Variants in GPR157 observed in about 807,000 individuals in gnomAD.
The protein encoded by GPR157 is G protein-coupled receptor 157.
Under a neutral mutation model 23.5 loss-of-function variants are expected in GPR157, and 16 were observed. That is an observed-to-expected ratio of 0.68 (90% CI 0.46 to 1.04). The LOEUF (loss-of-function observed/expected upper bound fraction) is 1.04, where lower values mean the gene tolerates loss of function less well. Ranked by LOEUF, GPR157 falls within the 50% of genes least tolerant of loss-of-function variation. The pLI is 0.00. For missense variants in GPR157, 440 were observed against 460.7 expected, an observed-to-expected ratio of 0.96 and a Z score of 0.41; for synonymous variants, 200 against 221.5, an observed-to-expected ratio of 0.90 and a Z score of 0.86.
chr1:9,111,595 C>A, intron 1 of GPR157, 106 bp from the exon 2 acceptor site: 1 of 848,394 alleles, frequency 1.2e-6, no homozygotes, highest in Non-Finnish European at 1.9e-6. Flanking sequence ...GGGATGCTCT[C>A]CAGAGCCTGG....
chr1:9,123,232 AAATATATATTAATTTAAATATAT>A (rs1638844220), intron 1 of GPR157, among the ~76,000 whole-genome samples: 1 of 96,828 alleles, frequency 1.0e-5, no homozygotes, highest in African/African-American at 4.7e-5. Flanking sequence ...ATATATATTT[AAATATATATTAATTTAAATATAT>A]ATTTAAATAT....
intron 2 of GPR157, among the ~76,000 whole-genome samples, chr1:9,110,041 C>T (rs189583874): frequency 1.9e-4 from 29 of 152,182 alleles, no homozygotes; most frequent in East Asian, 1.4e-3. Flanking sequence ...AGGATGAGCC[C>T]GGAAGTCTAA....
At chr1:9,123,241 T>G (rs1441603308) in intron 1 of GPR157, among the ~76,000 whole-genome samples, 2 of 48,368 alleles carry the variant, frequency 4.1e-5, no homozygotes, top group African/African-American at 1.4e-4. Flanking sequence ...TAAATATATA[T>G]TAATTTAAAT....
Position 9,129,016 on chromosome 1 carries a change from G to A in GPR157, c.12C>T (p.Ser4=). The change falls in exon 1 of 4, where the codon TCC becomes TCT. Residue 4 remains serine, a synonymous_variant. Coordinates refer to ENST00000377411, the MANE Select transcript of GPR157 (RefSeq NM_024980.5). MQP[S]PPPTELVPSE... Reference sequence around the variant, plus strand: ...ACGGCACCAGCTCGGTGGGCGGCGGGGACGGCTGCATGGCGTGGGGGGCCA... The same window carrying A: ...ACGGCACCAGCTCGGTGGGCGGCGGAGACGGCTGCATGGCGTGGGGGGCCA... 2 of 1,304,412 alleles carry A rather than the reference G, an allele frequency of 1.5e-6. No individual in the cohort carries two copies. The highest frequency in any genetic ancestry group is 1.5e-5 in the African/African-American group (1 of 64,690). 80.8% of individuals were successfully genotyped at this position (1,304,412 alleles called of 1,614,324 possible).
At chr1:9,109,363 A>T (rs944734768) in intron 2 of GPR157, among the ~76,000 whole-genome samples, 2 of 151,836 alleles carry the variant, frequency 1.3e-5, no homozygotes, top group Non-Finnish European at 2.9e-5. Flanking sequence ...GATTACAGGC[A>T]TGAGTCACCA....
chr1:9,119,092 C>T (rs1263007342), intron 1 of GPR157, among the ~76,000 whole-genome samples: 5 of 146,292 alleles, frequency 3.4e-5, no homozygotes, highest in African/African-American at 7.6e-5. Context: ...AGTGCACTGG[C>T]GTGATCTTGG....
intron 2 of GPR157, among the ~76,000 whole-genome samples, chr1:9,106,865 G>C (rs1638353391): frequency 6.6e-6 from 1 of 152,178 alleles, no homozygotes; most frequent in South Asian, 2.1e-4. Flanking sequence ...TTGGGAGGCT[G>C]AGGCAGGAGA....
rs1269182360 is a variant in GPR157 at position 9,104,456 on chromosome 1, T to C, written c.971A>G (p.Glu324Gly). ...PAPSKPGESQ[E>G]SQGTPGELPS... is the part of the protein sequence containing the mutation. The stretch of plus-strand genomic sequence containing the variant: ...AAGTTCCCCTGGGGTCCCTTGGGAT[T>C]CCTGAGATTCTCCTGGCTTGGAAGG... Residue 324 changes from glutamate (E) to glycine (G), a missense_variant, in exon 4 of 4, where the codon GAA (glutamate) becomes GGA (glycine). Physicochemically the swap from Glu to Gly is moderately conservative, Grantham distance 98 (BLOSUM62 -2). Transcript: ENST00000377411. 14 of 1,613,472 alleles carry C rather than the reference T, an allele frequency of 8.7e-6. No individual in the cohort carries two copies. Among genetic ancestry groups the C allele is most frequent in the African/African-American group, 1.3e-5 (1 of 74,742 alleles).
Position 9,111,348 on chromosome 1 carries a change from C to G in GPR157, c.525G>C (p.Lys175Asn). 1.2e-6 allele frequency: 2 copies of G among 1,614,252 alleles called. No individual in the cohort carries two copies. The change falls in exon 2 of 4, where the codon AAG becomes AAC. Residue 175 changes from lysine to asparagine, a missense_variant. Coordinates refer to ENST00000377411, the MANE Select transcript of GPR157 (RefSeq NM_024980.5). ...GCACATATGCCAGCATCTCCCACAGCTTCCCCGTCAGCAGCATCCACAGGA... is the reference window on the plus strand; with the variant it reads ...GCACATATGCCAGCATCTCCCACAGGTTCCCCGTCAGCAGCATCCACAGGA... The part of the protein sequence containing the change: ...DHVLWMLLTG[K>N]LWEMLAYVLL...
chr1:9,116,514 G>A (rs1395718984), intron 1 of GPR157, among the ~76,000 whole-genome samples: 3 of 142,672 alleles, frequency 2.1e-5, no homozygotes, highest in Non-Finnish European at 4.5e-5. Flanking sequence ...AGGCCGAGGC[G>A]GGCGGATCAT....
chr1:9,106,612 C>T (rs1434664192), intron 2 of GPR157, among the ~76,000 whole-genome samples: 2 of 152,256 alleles, frequency 1.3e-5, no homozygotes, highest in Non-Finnish European at 2.9e-5. Context: ...CTCCCCCCGG[C>T]CCTCTTCAAG....
intron 1 of GPR157, among the ~76,000 whole-genome samples, chr1:9,116,601 G>T (rs991635142): frequency 4.0e-5 from 6 of 149,622 alleles, no homozygotes; most frequent in Admixed American, 6.7e-5. Flanking sequence ...AAATTATCTG[G>T]GCATAGTGGC....
chr1:9,111,326 C>CAT lies in GPR157; in HGVS notation c.545_546dup (p.Val183MetfsTer66). The CAT allele has an allele frequency of 6.2e-7, 1 of 1,614,244 alleles. No homozygotes were observed. Among genetic ancestry groups the CAT allele is most frequent in the East Asian group, 2.2e-5 (1 of 44,892 alleles). On this transcript the variant is annotated frameshift_variant, in exon 2 of 4. Transcript: ENST00000377411. LOFTEE classifies it high-confidence loss of function. ...AGGAGGTACAGCAGAGGCAGCAGCA[C>CAT]ATATGCCAGCATCTCCCACAGCTTC...
intron 2 of GPR157, among the ~76,000 whole-genome samples, chr1:9,109,705 T>C (rs940751456): frequency 6.6e-6 from 1 of 152,092 alleles, no homozygotes; most frequent in Non-Finnish European, 1.5e-5. Flanking sequence ...AAAAAGAAGA[T>C]TTCAGACCAA....
At chr1:9,114,165 C>T (rs1216792609) in intron 1 of GPR157, among the ~76,000 whole-genome samples, 2 of 151,678 alleles carry the variant, frequency 1.3e-5, no homozygotes, top group African/African-American at 4.8e-5. Flanking sequence ...TCCGTCTCTA[C>T]CAAAAATACA....
In GPR157 at chr1:9,100,692, G is replaced by A. The variant is rs1266007592; in HGVS notation, c.*3727C>T. 6.6e-6 allele frequency: 1 copy of A among 152,326 alleles called. No homozygotes were observed. Among genetic ancestry groups the A allele is most frequent in the African/African-American group, 2.4e-5 (1 of 41,454 alleles). 9.4% of individuals were successfully genotyped at this position (152,326 alleles called of 1,614,324 possible). A position where few individuals can be genotyped will look rare whatever the true frequency, so the allele number is the denominator to read the frequency against. On this transcript the variant is annotated 3_prime_UTR_variant, in exon 4 of 4. Transcript: ENST00000377411. ...TGAGGTTACACTTGGGTGACTCAGGGATGCAGGCAGATGAACATTAACCAC... is the reference window on the plus strand; with the variant it reads ...TGAGGTTACACTTGGGTGACTCAGGAATGCAGGCAGATGAACATTAACCAC...
intron 2 of GPR157, among the ~76,000 whole-genome samples, chr1:9,109,647 G>GC (rs1189939014): frequency 2.0e-5 from 3 of 152,056 alleles, no homozygotes; most frequent in African/African-American, 4.8e-5. Context: ...ACCCACCTCG[G>GC]CCCCCCAAAC....
intron 1 of GPR157, among the ~76,000 whole-genome samples, chr1:9,123,423 AATAT>A (rs554933889): frequency 9.4e-6 from 1 of 106,758 alleles, no homozygotes; most frequent in African/African-American, 3.9e-5. Context: ...TACATATTAA[AATAT>A]ATATATTTAA....
chr1:9,104,949 G>A (rs1201399290), intron 3 of GPR157, among the ~76,000 whole-genome samples: 1 of 150,284 alleles, frequency 6.7e-6, no homozygotes, highest in African/African-American at 2.5e-5. Context: ...GCAGTGAGCC[G>A]AGATCCCACC....
Sources: gnomAD v4.1 joint callset for allele counts (sites outside exome capture counted in the v4.1 genomes callset) on GRCh38, gnomAD v4.1.1 for gene constraint, MANE v1.5 for transcripts, NCBI Gene and HGNC (gene_info 2026-07-23, HGNC 2026-07-21) for gene names.